The following CCSER1 variants were observed in gnomAD, a reference collection of about 807,000 sequenced individuals.
The protein encoded by CCSER1 is serine-rich coiled-coil domain-containing protein 1.
A neutral mutation model predicts 82.0 loss-of-function variants in CCSER1; 41 were observed. That is an observed-to-expected ratio of 0.50 (90% CI 0.39 to 0.65). The LOEUF is 0.65. Among genes scored for constraint, CCSER1 ranks in the 30% least tolerant of loss-of-function variants. The pLI is 0.00. For synonymous variants in CCSER1, 414 were observed against 383.9 expected (o/e 1.08, Z -0.92); for missense variants, 1,119 against 1,064.2 (o/e 1.05, Z -0.72).
intron 1 of CCSER1, among the ~76,000 whole-genome samples, chr4:90,168,512 A>G (rs1017416310): frequency 1.2e-4 from 19 of 152,082 alleles, no homozygotes; most frequent in Middle Eastern, 3.4e-3. Flanking sequence ...AGCTTTTGTT[A>G]CCATTGCTTT....
chr4:91,473,426 G>A (rs536193333), intron 10 of CCSER1, among the ~76,000 whole-genome samples: 5 of 152,204 alleles, frequency 3.3e-5, no homozygotes, highest in Non-Finnish European at 7.4e-5. Flanking sequence ...GGTCTCGTTA[G>A]TCAGAGATTG....
At chr4:90,393,900 C>G (rs1261222920) in intron 3 of CCSER1, among the ~76,000 whole-genome samples, 1 of 150,220 alleles carries the variant, frequency 6.7e-6, no homozygotes, top group East Asian at 2.0e-4. Context: ...TGCCTCAGCC[C>G]CCTGCGTAGC....
intron 1 of CCSER1, among the ~76,000 whole-genome samples, chr4:90,193,236 G>A (rs1012342451): frequency 6.6e-6 from 1 of 152,182 alleles, no homozygotes; most frequent in East Asian, 1.9e-4. Flanking sequence ...CACCCTGGAG[G>A]CAGGAACCAC....
intron 10 of CCSER1, among the ~76,000 whole-genome samples, chr4:91,225,428 A>C (rs2149107202): frequency 6.9e-6 from 1 of 145,836 alleles, no homozygotes; most frequent in Non-Finnish European, 1.5e-5. Context: ...AATATACAGT[A>C]TTTCTTAAAT....
chr4:91,385,959 T>C (rs1277179336), intron 10 of CCSER1, among the ~76,000 whole-genome samples: 1 of 151,930 alleles, frequency 6.6e-6, no homozygotes, highest in Non-Finnish European at 1.5e-5. Context: ...TGTGTATTTA[T>C]ACATACACAC....
intron 5 of CCSER1, among the ~76,000 whole-genome samples, chr4:90,602,325 C>A (rs1026678076): frequency 6.6e-6 from 1 of 151,836 alleles, no homozygotes; most frequent in African/African-American, 2.4e-5. Flanking sequence ...TTAATATAAC[C>A]TCCTCTTTTT....
At chr4:91,141,581 A>G (rs1486721536) in intron 10 of CCSER1, among the ~76,000 whole-genome samples, 1 of 152,200 alleles carries the variant, frequency 6.6e-6, no homozygotes, top group Non-Finnish European at 1.5e-5. Flanking sequence ...TAGTGCTGCA[A>G]TGGACATATG....
intron 5 of CCSER1, among the ~76,000 whole-genome samples, chr4:90,626,980 C>A (rs964462811): frequency 6.6e-6 from 1 of 152,184 alleles, no homozygotes; most frequent in Non-Finnish European, 1.5e-5. Context: ...TACTTTATTT[C>A]ATCTACCTCT....
At chr4:91,191,126 T>C (rs1175057287) in intron 10 of CCSER1, among the ~76,000 whole-genome samples, 2 of 152,222 alleles carry the variant, frequency 1.3e-5, no homozygotes, top group Non-Finnish European at 2.9e-5. Flanking sequence ...CCAAGCATCA[T>C]AGTTCATTTA....
At chr4:91,457,217 A>G (rs560639929) in intron 10 of CCSER1, among the ~76,000 whole-genome samples, 1 of 152,322 alleles carries the variant, frequency 6.6e-6, no homozygotes, top group African/African-American at 2.4e-5. Flanking sequence ...GAACATGAGT[A>G]AATTATACAC....
At chr4:91,252,223 A>T (rs781565586) in intron 10 of CCSER1, among the ~76,000 whole-genome samples, 3 of 152,166 alleles carry the variant, frequency 2.0e-5, no homozygotes, top group Non-Finnish European at 4.4e-5. Context: ...AAATAATTCT[A>T]TATCTGGCAA....
intron 3 of CCSER1, among the ~76,000 whole-genome samples, chr4:90,347,653 C>A (rs1742619677): frequency 6.6e-6 from 1 of 152,054 alleles, no homozygotes; most frequent in Non-Finnish European, 1.5e-5. Context: ...TTATCAGAGG[C>A]CCAAGCTGAG....
intron 10 of CCSER1, among the ~76,000 whole-genome samples, chr4:91,296,471 ATATATATATATATATT>A (rs1744180387): frequency 7.3e-6 from 1 of 137,778 alleles, no homozygotes; most frequent in African/African-American, 2.9e-5. Context: ...ATATATGTAT[ATATATATATATATATT>A]TTAATTAAAT....
chr4:91,103,983 T>TATTAATATAGACC (rs1725349431), intron 10 of CCSER1, among the ~76,000 whole-genome samples: 1 of 152,086 alleles, frequency 6.6e-6, no homozygotes, highest in Admixed American at 6.6e-5. Flanking sequence ...AAGGAATGCA[T>TATTAATATAGACC]TCCTGGGGGG....
Position 90,481,962 on chromosome 4 carries a change from G to A in CCSER1, c.1724+13608G>A, listed in dbSNP as rs553139830. Reference sequence around the variant, plus strand: ...GAAGGAATGGTACCAGCTGCTCCTTGTACCTCTGGTAGAATTCGGCTGTGA... The same window carrying A: ...GAAGGAATGGTACCAGCTGCTCCTTATACCTCTGGTAGAATTCGGCTGTGA... On this transcript the variant is annotated intron_variant, in intron 5 of 10. Coordinates refer to ENST00000509176, the MANE Select transcript of CCSER1 (RefSeq NM_001145065.2). Among the ~76,000 whole-genome samples the A allele has an allele frequency of 9.2e-5, 14 of 152,272 alleles. No individual in the cohort carries two copies. In the East Asian group the frequency reaches 2.7e-3, roughly 29 times the overall value.
At chr4:90,358,698 G>A (rs1281229182) in intron 3 of CCSER1, among the ~76,000 whole-genome samples, 1 of 151,926 alleles carries the variant, frequency 6.6e-6, no homozygotes, top group Non-Finnish European at 1.5e-5. Flanking sequence ...ATTACATTTG[G>A]GGGAGAAACA....
chr4:90,289,421 A>T (rs1730514134), intron 1 of CCSER1, among the ~76,000 whole-genome samples: 1 of 151,936 alleles, frequency 6.6e-6, no homozygotes, highest in Non-Finnish European at 1.5e-5. Context: ...TGTGAGCAAC[A>T]TCAAATTGTT....
chr4:91,365,251 C>T (rs1406051119), intron 10 of CCSER1, among the ~76,000 whole-genome samples: 1 of 152,146 alleles, frequency 6.6e-6, no homozygotes, highest in Non-Finnish European at 1.5e-5. Flanking sequence ...ACAATAACTA[C>T]ATCCATGCGT....
chr4:91,354,194 C>T (rs1271872486), intron 10 of CCSER1, among the ~76,000 whole-genome samples: 2 of 152,260 alleles, frequency 1.3e-5, no homozygotes, highest in East Asian at 3.9e-4. Flanking sequence ...CCTCCTGAGC[C>T]ATCTTGTGCC....
Sources: gnomAD v4.1 joint callset for allele counts (sites outside exome capture counted in the v4.1 genomes callset) on GRCh38, gnomAD v4.1.1 for gene constraint, MANE v1.5 for transcripts, NCBI Gene and HGNC (gene_info 2026-07-23, HGNC 2026-07-21) for gene names.